Variants in WDR41 observed in about 807,000 individuals in gnomAD.
WDR41 encodes WD repeat domain 41.
WDR41 carries 63 observed loss-of-function variants against 69.3 expected under a neutral mutation model. The observed-to-expected ratio is 0.91, with a 90% CI of 0.74 to 1.12. The LOEUF (loss-of-function observed/expected upper bound fraction) is 1.12, where lower values mean the gene tolerates loss of function less well. Among genes scored for constraint, WDR41 ranks in the 50% most tolerant of loss-of-function variants. The probability of loss-of-function intolerance (pLI) is 0.00; values close to 1 mark genes in which losing one functional copy is unlikely to be tolerated. For missense variants in WDR41, 543 were observed against 534.5 expected (o/e 1.02, Z -0.16); for synonymous variants, 185 against 192.1 (o/e 0.96, Z 0.31).
At chr5:77,459,013 GA>G in intron 5 of WDR41, 48 bp downstream of exon 5, 1 of 1,369,666 alleles carries the variant, frequency 7.3e-7, no homozygotes, top group Non-Finnish European at 1.0e-6. Flanking sequence ...CATGTCTTCT[GA>G]GACAAAAATA....
intron 1 of WDR41, chr5:77,583,070 A>T: frequency 6.3e-7 from 1 of 1,595,042 alleles, no homozygotes; most frequent in East Asian, 2.2e-5. Context: ...GAAGGTAGAG[A>T]TGCTGGCAAC....
chr5:77,470,926 C>G (rs1454131313), intron 2 of WDR41, among the ~76,000 whole-genome samples: 1 of 152,098 alleles, frequency 6.6e-6, no homozygotes, highest in Non-Finnish European at 1.5e-5. Flanking sequence ...CCAAGCAGAC[C>G]TAATAGACAT....
At chr5:77,535,679 C>G (rs1400335222) in intron 1 of WDR41, among the ~76,000 whole-genome samples, 1 of 152,134 alleles carries the variant, frequency 6.6e-6, no homozygotes, top group Non-Finnish European at 1.5e-5. Context: ...ATCCTGGACT[C>G]ACAAAAACCA....
chr5:77,453,804 T>C lies in WDR41; in HGVS notation c.523+13A>G, dbSNP rs1392358483. The C allele has an allele frequency of 1.9e-6, 3 of 1,597,188 alleles. No homozygotes were observed. On this transcript the variant is annotated intron_variant, in intron 6 of 12. Transcript: ENST00000296679. ...TGTCAATCATAGTTCAAAATTACCTTGATGTTTTTTACCTGTATCAGAAAG... is the reference window on the plus strand; with the variant it reads ...TGTCAATCATAGTTCAAAATTACCTCGATGTTTTTTACCTGTATCAGAAAG...
At chr5:77,510,598 A>G (rs982122883) in intron 1 of WDR41, among the ~76,000 whole-genome samples, 1 of 152,026 alleles carries the variant, frequency 6.6e-6, no homozygotes, top group Non-Finnish European at 1.5e-5. Context: ...CCTTTCTACT[A>G]TCTTAATTTT....
chr5:77,583,185 G>GA, intron 1 of WDR41: 5 of 826,796 alleles, frequency 6.0e-6, no homozygotes, highest in African/African-American at 1.8e-5. Flanking sequence ...CTCTCAAATT[G>GA]AAATAAAAAA....
intron 1 of WDR41, among the ~76,000 whole-genome samples, chr5:77,592,844 T>C (rs1744156923): frequency 6.6e-6 from 1 of 152,210 alleles, no homozygotes; most frequent in Non-Finnish European, 1.5e-5. Context: ...ACCCTTGTGA[T>C]TGACCTTAGC....
chr5:77,437,953 G>GT (rs2151287235), intron 10 of WDR41, among the ~76,000 whole-genome samples: 1 of 152,324 alleles, frequency 6.6e-6, no homozygotes, highest in African/African-American at 2.4e-5. Flanking sequence ...TTGGTACAAT[G>GT]TAAGTGGCCC....
At chr5:77,525,422 A>G (rs1250912944) in intron 1 of WDR41, among the ~76,000 whole-genome samples, 1 of 152,172 alleles carries the variant, frequency 6.6e-6, no homozygotes, top group African/African-American at 2.4e-5. Context: ...ACCTTGAAGC[A>G]CTCACAGTCT....
At chr5:77,541,318 G>T (rs1342891967) in intron 1 of WDR41, among the ~76,000 whole-genome samples, 1 of 151,856 alleles carries the variant, frequency 6.6e-6, no homozygotes, top group African/African-American at 2.4e-5. Flanking sequence ...CTTCTCAAAA[G>T]AAGACATACA....
At chr5:77,489,733 CTTT>C (rs1401518671) in intron 1 of WDR41, among the ~76,000 whole-genome samples, 161 bp from the exon 2 acceptor site, 1 of 152,258 alleles carries the variant, frequency 6.6e-6, no homozygotes, top group Non-Finnish European at 1.5e-5. Context: ...ATTATTTCTT[CTTT>C]TATCAACTAA....
intron 1 of WDR41, among the ~76,000 whole-genome samples, chr5:77,529,424 A>G (rs77982724): frequency 2.6e-3 from 391 of 151,712 alleles, no homozygotes; most frequent in African/African-American, 9.0e-3. Context: ...CAGAGGCTCA[A>G]AATTATAAAG....
In WDR41 at chr5:77,463,133, G is replaced by A. The variant is rs780614702; in HGVS notation, c.310C>T (p.Gln104Ter). ...TCAGCAGAGGCTGTCAAGATGAGTT[G>A]ATTTTTCTCTTCACAAGATTCCAAG... Reference protein sequence around the residue: ...PSLESCEEKNQLILTASADRT... With the variant: ...PSLESCEEKN Residue 104 changes from glutamine to a stop codon, truncating the protein, a stop_gained, in exon 4 of 13, where the codon CAA becomes TAA. Transcript: ENST00000296679. LOFTEE classifies it high-confidence loss of function. 22 of 1,612,222 alleles carry A rather than the reference G, an allele frequency of 1.4e-5. No homozygotes were observed. The highest frequency in any genetic ancestry group is 2.7e-5 in the African/African-American group (2 of 74,780).
chr5:77,496,198 A>G (rs1402648052), upstream of WDR41, among the ~76,000 whole-genome samples: 1 of 152,074 alleles, frequency 6.6e-6, no homozygotes, highest in Non-Finnish European at 1.5e-5. Flanking sequence ...CTCCCCTAAG[A>G]TGAGAAACAA....
At chr5:77,614,943 G>A (rs967826033) in intron 1 of WDR41, among the ~76,000 whole-genome samples, 2 of 151,920 alleles carry the variant, frequency 1.3e-5, no homozygotes, top group African/African-American at 4.8e-5. Context: ...AGAGGGAAGA[G>A]AGAAGGAAAC....
At chr5:77,558,036 A>AT (rs976238944) in intron 1 of WDR41, among the ~76,000 whole-genome samples, 1 of 147,904 alleles carries the variant, frequency 6.8e-6, no homozygotes, top group Non-Finnish European at 1.5e-5. Flanking sequence ...CAGTGTAATG[A>AT]TTACCTTTAA....
At chr5:77,479,569 G>A (rs1482072031) in intron 2 of WDR41, among the ~76,000 whole-genome samples, 1 of 152,106 alleles carries the variant, frequency 6.6e-6, no homozygotes, top group Non-Finnish European at 1.5e-5. Flanking sequence ...ACAAGAAATG[G>A]GGAAACGATT....
At chr5:77,478,102 A>G (rs1801036446) in intron 2 of WDR41, among the ~76,000 whole-genome samples, 1 of 152,204 alleles carries the variant, frequency 6.6e-6, no homozygotes, top group Non-Finnish European at 1.5e-5. Context: ...CTCGACACAT[A>G]CACCCTCCCA....
intron 2 of WDR41, among the ~76,000 whole-genome samples, chr5:77,469,351 C>A (rs1302881720): frequency 1.3e-5 from 2 of 152,138 alleles, no homozygotes; most frequent in African/African-American, 4.8e-5. Flanking sequence ...TGTAACAAAC[C>A]TGCATGTTGT....
Sources: allele counts gnomAD v4.1 joint callset (sites outside exome capture counted in the v4.1 genomes callset), GRCh38; gene constraint gnomAD v4.1.1; transcripts MANE v1.5; gene names NCBI Gene and HGNC (gene_info 2026-07-23, HGNC 2026-07-21).